Variants in FMO5 observed in about 807,000 individuals in gnomAD.
FMO5 encodes the protein flavin-containing monooxygenase 5.
Under a neutral mutation model 43.6 loss-of-function variants are expected in FMO5, and 51 were observed. That is an observed-to-expected ratio of 1.17 (90% confidence interval 0.93 to 1.48). The LOEUF is 1.48. Ranked by LOEUF, FMO5 falls within the 40% of genes most tolerant of loss-of-function variation. The probability of loss-of-function intolerance (pLI) is 0.00; values close to 1 mark genes in which losing one functional copy is unlikely to be tolerated. For missense variants in FMO5, 644 were observed against 643.0 expected (o/e 1.00, Z -0.02); for synonymous variants, 187 against 216.5 (o/e 0.86, Z 1.20).
At chr1:147,201,644 C>A (rs891169503) in intron 6 of FMO5, 140 bp from the exon 7 acceptor site, 17 of 640,150 alleles carry the variant, frequency 2.7e-5, no homozygotes, top group Non-Finnish European at 4.4e-5. Flanking sequence ...TGGAAAAGGT[C>A]TAATTTATAC....
chr1:147,195,165 C>G (rs1386011431), intron 7 of FMO5, among the ~76,000 whole-genome samples: 1 of 152,160 alleles, frequency 6.6e-6, no homozygotes, highest in Non-Finnish European at 1.5e-5. Flanking sequence ...TAGATTTGGT[C>G]TTTTCACATA....
At position 147,212,537 on chromosome 1, in the gene FMO5, T is replaced by C; in HGVS notation, c.488-2A>G. 1 of 1,610,078 alleles carries C rather than the reference T, an allele frequency of 6.2e-7. No homozygotes were observed. Among genetic ancestry groups the C allele is most frequent in the Non-Finnish European group, 8.5e-7 (1 of 1,178,296 alleles). On this transcript the variant is annotated splice_acceptor_variant, in intron 4 of 8. Coordinates refer to ENST00000254090, the MANE Select transcript of FMO5 (RefSeq NM_001461.4). LOFTEE classifies it high-confidence loss of function. ...ACTGCCCTTTGAACTTCTCAATTCC[T>C]GCAAGAGAAGGGAAAATAATTATTG... is the stretch of plus-strand genomic sequence containing the variant.
At chr1:147,213,694 C>G (rs1001659944) in intron 3 of FMO5, among the ~76,000 whole-genome samples, 6 of 152,144 alleles carry the variant, frequency 3.9e-5, no homozygotes, top group African/African-American at 1.4e-4. Flanking sequence ...CTAATGTACC[C>G]TCCTCTTCTA....
rs587714613 is a variant in FMO5 at position 147,207,134 on chromosome 1, T to C, written c.830+1718A>G. 3.3e-5 allele frequency among the ~76,000 whole-genome samples: 5 copies of C among 152,136 alleles called. No homozygotes were observed. The East Asian group carries it at 9.6e-4, about 29-fold the overall frequency. On this transcript the variant is annotated intron_variant, in intron 6 of 8. Coordinates refer to ENST00000254090, the MANE Select transcript of FMO5 (RefSeq NM_001461.4). ...TTTCCCACGTGTGATAATTATATGA[T>C]GGTTATGTAGGAGAATGCCCTTTTT... is the stretch of plus-strand genomic sequence containing the variant.
chr1:147,214,468 A>AC (rs1280446379), intron 3 of FMO5, among the ~76,000 whole-genome samples: 107 of 150,190 alleles, frequency 7.1e-4, no homozygotes, highest in African/African-American at 1.0e-3. Context: ...ACAAAAAACA[A>AC]AAAAAAAAAG....
At chr1:147,193,836 C>T (rs1474118098) in intron 7 of FMO5, among the ~76,000 whole-genome samples, 1 of 152,068 alleles carries the variant, frequency 6.6e-6, no homozygotes, top group Non-Finnish European at 1.5e-5. Context: ...TTTTTTAGTC[C>T]TGAGTTCTAG....
At chr1:147,213,494 A>C (rs1661420902) in intron 3 of FMO5, 24 bp from the exon 4 acceptor site, 1 of 1,572,936 alleles carries the variant, frequency 6.4e-7, no homozygotes, top group Admixed American at 1.8e-5. Flanking sequence ...TGATAACCAC[A>C]GGGGACATCC....
At chr1:147,207,833 C>A (rs782570264) in intron 6 of FMO5, among the ~76,000 whole-genome samples, 1 of 152,186 alleles carries the variant, frequency 6.6e-6, no homozygotes, top group Non-Finnish European at 1.5e-5. Flanking sequence ...AGTATGTGTG[C>A]CCCTCCCCTG....
rs115912313 is a variant in FMO5 at position 147,205,287 on chromosome 1, C to T, written c.830+3565G>A. 6.3e-3 allele frequency among the ~76,000 whole-genome samples: 958 copies of T among 152,134 alleles called. 13 individuals carry two copies. The highest frequency in any genetic ancestry group is 0.022 in the African/African-American group (903 of 41,500). ...ATGTCACCCCACTGATTAACTTCAA[C>T]GGGAAAAAATATCTTTATAGTGGAG... On this transcript the variant is annotated intron_variant, in intron 6 of 8. Transcript: ENST00000254090.
chr1:147,197,287 A>T (rs911956735), intron 7 of FMO5, among the ~76,000 whole-genome samples: 1 of 152,132 alleles, frequency 6.6e-6, no homozygotes, highest in African/African-American at 2.4e-5. Context: ...TGTAGGGAGA[A>T]TTGGGTACTT....
chr1:147,192,683 C>G (rs1657108163), intron 7 of FMO5, among the ~76,000 whole-genome samples: 1 of 152,064 alleles, frequency 6.6e-6, no homozygotes, highest in African/African-American at 2.4e-5. Flanking sequence ...TCAGATACAT[C>G]CCATCGATAC....
At chr1:147,193,383 T>G (rs1657290661) in intron 7 of FMO5, among the ~76,000 whole-genome samples, 1 of 152,142 alleles carries the variant, frequency 6.6e-6, no homozygotes, top group Non-Finnish European at 1.5e-5. Flanking sequence ...ACTGCATCTA[T>G]TTGATTCTTC....
chr1:147,186,497 C>A lies in FMO5; in HGVS notation c.*403G>T. Reference sequence around the variant, plus strand: ...TAAAATTGAGCTTCTAATAGAAAATCAAACCCTATCAGAAGAAGAGTTACG... The same window carrying A: ...TAAAATTGAGCTTCTAATAGAAAATAAAACCCTATCAGAAGAAGAGTTACG... On this transcript the variant is annotated 3_prime_UTR_variant, in exon 9 of 9. Coordinates refer to ENST00000254090, the MANE Select transcript of FMO5 (RefSeq NM_001461.4). 1.0e-6 allele frequency: 1 copy of A among 986,866 alleles called. No individual in the cohort carries two copies. Among genetic ancestry groups the A allele is most frequent in the Non-Finnish European group, 1.2e-6 (1 of 830,286 alleles). 61.1% of individuals were successfully genotyped at this position (986,866 alleles called of 1,614,324 possible). A position where few individuals can be genotyped will look rare whatever the true frequency, so the allele number is the denominator to read the frequency against.
intron 8 of FMO5, 128 bp from the exon 9 acceptor site, chr1:147,187,373 G>A: frequency 3.0e-6 from 2 of 662,942 alleles, no homozygotes; most frequent in Non-Finnish European, 5.1e-6. Context: ...AGAGAAGAAA[G>A]ATAAAACATT....
chr1:147,215,696 G>A (rs1464333675), intron 3 of FMO5, 58 bp downstream of exon 3: 10 of 1,271,114 alleles, frequency 7.9e-6, no homozygotes, highest in African/African-American at 4.5e-5. Context: ...CTGAAACCAC[G>A]TTATTCATTT....
At chr1:147,201,001 G>A in intron 7 of FMO5, 151 bp downstream of exon 7, 2 of 646,052 alleles carry the variant, frequency 3.1e-6, no homozygotes, top group South Asian at 4.3e-5. Context: ...TGCTACTTTA[G>A]ATTCACTCAA....
At chr1:147,223,904 A>C in intron 2 of FMO5, 2 of 368,214 alleles carry the variant, frequency 5.4e-6, no homozygotes, top group Non-Finnish European at 1.0e-5. Flanking sequence ...GTTGTCCTGG[A>C]CTGAGAAGAA....
At chr1:147,220,725 G>A (rs1002119356) in intron 2 of FMO5, among the ~76,000 whole-genome samples, 1 of 152,076 alleles carries the variant, frequency 6.6e-6, no homozygotes, top group Non-Finnish European at 1.5e-5. Context: ...AAAAGGAAGG[G>A]ATCCAGTGTC....
At chr1:147,220,944 C>CAAAAA (rs11287039) in intron 2 of FMO5, among the ~76,000 whole-genome samples, 3 of 137,338 alleles carry the variant, frequency 2.2e-5, no homozygotes, top group Non-Finnish European at 3.1e-5. Flanking sequence ...TTTAAGTTTC[C>CAAAAA]AAAAAAAAAA....
Sources: allele counts gnomAD v4.1 joint callset (sites outside exome capture counted in the v4.1 genomes callset), GRCh38; gene constraint gnomAD v4.1.1; transcripts MANE v1.5; gene names NCBI Gene and HGNC (gene_info 2026-07-23, HGNC 2026-07-21).